The following FRS2 variants were observed in gnomAD, a reference collection of about 807,000 sequenced individuals.
The protein encoded by FRS2 is FGFR signalling adaptor.
In FRS2, 8 loss-of-function variants were observed where a neutral mutation model predicts 43.9. That is an observed-to-expected ratio of 0.18 (90% confidence interval 0.11 to 0.33). The LOEUF (loss-of-function observed/expected upper bound fraction) is 0.33, where lower values mean the gene tolerates loss of function less well. FRS2 is among the 10% of genes least tolerant of loss of function. FRS2 has a pLI of 1.00. For missense variants in FRS2, 534 were observed against 627.6 expected (o/e 0.85, Z 1.59); for synonymous variants, 219 against 220.3 (o/e 0.99, Z 0.05).
At chr12:69,530,058 GA>G (rs906096341) in intron 1 of FRS2, among the ~76,000 whole-genome samples, 2 of 147,126 alleles carry the variant, frequency 1.4e-5, no homozygotes, top group South Asian at 2.2e-4. Flanking sequence ...CGTCTCAAAA[GA>G]AAAAAAAACA....
intron 3 of FRS2, among the ~76,000 whole-genome samples, chr12:69,541,386 T>C (rs1353815396): frequency 1.3e-5 from 2 of 152,192 alleles, no homozygotes; most frequent in Admixed American, 6.5e-5. Flanking sequence ...AAAATTCTTA[T>C]GAAAATACTG....
intron 1 of FRS2, among the ~76,000 whole-genome samples, chr12:69,516,861 T>C (rs528913341): frequency 4.3e-4 from 65 of 152,356 alleles, no homozygotes; most frequent in African/African-American, 1.4e-3. Context: ...ATGCTTCTTA[T>C]ACAAACTTTT....
At chr12:69,474,721 C>T (rs990788943) in intron 1 of FRS2, among the ~76,000 whole-genome samples, 1 of 152,122 alleles carries the variant, frequency 6.6e-6, no homozygotes, top group Non-Finnish European at 1.5e-5. Flanking sequence ...GCTATGTTAG[C>T]TTGTTTCTTT....
intron 1 of FRS2, among the ~76,000 whole-genome samples, chr12:69,494,163 C>T (rs987492040): frequency 4.6e-5 from 7 of 152,288 alleles, no homozygotes; most frequent in South Asian, 2.1e-4. Flanking sequence ...TTGTGCTAGA[C>T]GCTGAGGCTA....
At chr12:69,474,740 T>C (rs915792024) in intron 1 of FRS2, among the ~76,000 whole-genome samples, 2 of 152,222 alleles carry the variant, frequency 1.3e-5, no homozygotes, top group Non-Finnish European at 2.9e-5. Context: ...TTTGGACATT[T>C]GTTTGGCAAG....
intron 3 of FRS2, among the ~76,000 whole-genome samples, chr12:69,544,667 A>AC (rs1878209246): frequency 6.6e-6 from 1 of 152,116 alleles, no homozygotes; most frequent in East Asian, 1.9e-4. Flanking sequence ...AGATCATGCC[A>AC]CTGCATTCCA....
chr12:69,538,915 A>G (rs527822081), intron 3 of FRS2, among the ~76,000 whole-genome samples: 5 of 152,294 alleles, frequency 3.3e-5, no homozygotes, highest in South Asian at 2.1e-4. Context: ...ACAAAATAAC[A>G]TAACATTTAG....
intron 3 of FRS2, among the ~76,000 whole-genome samples, chr12:69,552,608 G>A (rs895860464): frequency 6.6e-6 from 1 of 152,058 alleles, no homozygotes; most frequent in African/African-American, 2.4e-5. Context: ...GTTAATCCTA[G>A]GTATCTTATT....
At chr12:69,493,906 A>G (rs1000037503) in intron 1 of FRS2, among the ~76,000 whole-genome samples, 4 of 152,098 alleles carry the variant, frequency 2.6e-5, no homozygotes, top group African/African-American at 9.7e-5. Flanking sequence ...CTTTAATACT[A>G]TTTCATCTGC....
intron 1 of FRS2, among the ~76,000 whole-genome samples, chr12:69,523,380 CTG>C (rs1875883865): frequency 6.6e-6 from 1 of 152,166 alleles, no homozygotes; most frequent in Non-Finnish European, 1.5e-5. Context: ...TTTGTTTTGT[CTG>C]AAATTAGGAT....
rs144260220 is a variant in FRS2 at position 69,485,707 on chromosome 12, A to G, written c.-261+15177A>G. Among the ~76,000 whole-genome samples the G allele has an allele frequency of 5.8e-3, 884 of 152,140 alleles. 8 individuals carry two copies. Among genetic ancestry groups the G allele is most frequent in the African/African-American group, 0.021 (851 of 41,508 alleles). ...GGTCTGGAGCTCCTGACCTTGGGTG[A>G]TCCGCCCACCTTGGCCTCCCAAAGT... is the stretch of plus-strand genomic sequence containing the variant. On this transcript the variant is annotated intron_variant, in intron 1 of 8. Coordinates refer to ENST00000549921, the MANE Select transcript of FRS2 (RefSeq NM_001278356.2).
At chr12:69,496,501 C>T (rs925136428) in intron 1 of FRS2, among the ~76,000 whole-genome samples, 1 of 151,908 alleles carries the variant, frequency 6.6e-6, no homozygotes, top group East Asian at 1.9e-4. Context: ...AGCCTGTGAA[C>T]GATAAAATAG....
chr12:69,562,220 T>G lies in FRS2; in HGVS notation c.-81T>G, dbSNP rs1287724636. 2.5e-6 allele frequency: 1 copy of G among 398,292 alleles called. No individual in the cohort carries two copies. Among genetic ancestry groups the G allele is most frequent in the African/African-American group, 2.1e-5 (1 of 48,646 alleles). 24.7% of individuals were successfully genotyped at this position (398,292 alleles called of 1,614,324 possible). A position where few individuals can be genotyped will look rare whatever the true frequency, so the allele number is the denominator to read the frequency against. ...AAAGAAAACATGGTATTTTGAAATA[T>G]GATTAAACTCCTGATGCTGCAGCAG... On this transcript the variant is annotated 5_prime_UTR_variant, in exon 4 of 9. An upstream start codon of the reference 5' UTR is lost. Transcript: ENST00000549921.
At chr12:69,549,565 T>C (rs1878695183) in intron 3 of FRS2, among the ~76,000 whole-genome samples, 1 of 152,306 alleles carries the variant, frequency 6.6e-6, no homozygotes, top group African/African-American at 2.4e-5. Context: ...CTGTCAGTGA[T>C]TGGGAACTCA....
At chr12:69,545,773 A>AAAAAAC (rs1279763393) in intron 3 of FRS2, among the ~76,000 whole-genome samples, 32 of 142,004 alleles carry the variant, frequency 2.3e-4, no homozygotes, top group African/African-American at 7.6e-4. Flanking sequence ...AAAAAAAAAA[A>AAAAAAC]AAAAACAAAA....
intron 1 of FRS2, among the ~76,000 whole-genome samples, chr12:69,502,700 A>G (rs1478645508): frequency 6.6e-6 from 1 of 152,248 alleles, no homozygotes; most frequent in African/African-American, 2.4e-5. Context: ...GCAAATTAAT[A>G]CATACAGTCT....
At chr12:69,477,402 CCTCA>C (rs1333143539) in intron 1 of FRS2, among the ~76,000 whole-genome samples, 7 of 151,452 alleles carry the variant, frequency 4.6e-5, no homozygotes, top group Non-Finnish European at 1.0e-4. Context: ...CCTGCCTCAG[CCTCA>C]CCAGTAGCTG....
intron 1 of FRS2, among the ~76,000 whole-genome samples, chr12:69,498,675 A>G (rs942647543): frequency 1.3e-5 from 2 of 152,040 alleles, no homozygotes; most frequent in African/African-American, 4.8e-5. Flanking sequence ...ACCCCTGGAA[A>G]GAATATGAGA....
In FRS2 at chr12:69,577,677, G is replaced by C. The variant is rs991753908; in HGVS notation, c.*2722G>C. On this transcript the variant is annotated 3_prime_UTR_variant, in exon 9 of 9. Coordinates refer to ENST00000549921, the MANE Select transcript of FRS2 (RefSeq NM_001278356.2). ...TTGGAAACTGATATTGGTATTACTT[G>C]TGTTTTTTCTTAGTGTGTTTTATTT... The C allele has an allele frequency of 6.6e-6, 1 of 152,416 alleles. No individual in the cohort carries two copies. The highest frequency in any genetic ancestry group is 1.5e-5 in the Non-Finnish European group (1 of 67,974). The allele number at this position is 152,416 out of a possible 1,614,324, so 9.4% of individuals were successfully genotyped here.
Sources: gnomAD v4.1 joint callset for allele counts (sites outside exome capture counted in the v4.1 genomes callset) on GRCh38, gnomAD v4.1.1 for gene constraint, MANE v1.5 for transcripts, NCBI Gene and HGNC (gene_info 2026-07-23, HGNC 2026-07-21) for gene names.